Variants in OSBPL3 observed in about 807,000 individuals in gnomAD.
OSBPL3 encodes oxysterol binding protein like 3, also known as oxysterol-binding protein-related protein 3.
OSBPL3 carries 65 observed loss-of-function variants against 120.1 expected under a neutral mutation model. The ratio of observed to expected loss-of-function variants is 0.54; its 90% CI spans 0.44 to 0.67. OSBPL3 has a LOEUF of 0.67. OSBPL3 is among the 30% of genes least tolerant of loss of function. The pLI, the probability that OSBPL3 is intolerant of heterozygous loss-of-function variation, is 0.00. For synonymous variants in OSBPL3, 416 were observed against 402.6 expected (o/e 1.03, Z -0.40); for missense variants, 1,004 against 1,082.1 (o/e 0.93, Z 1.01).
At chr7:24,929,885 T>C (rs1005195177) in intron 1 of OSBPL3, among the ~76,000 whole-genome samples, 1 of 152,218 alleles carries the variant, frequency 6.6e-6, no homozygotes, top group East Asian at 1.9e-4. Flanking sequence ...GGATTTCATT[T>C]GATATCTGCT....
rs1357290081 is a variant in OSBPL3 at position 24,967,852 on chromosome 7, G to C, written c.-150+12034C>G. On this transcript the variant is annotated intron_variant, in intron 1 of 22. Transcript: ENST00000313367. This position sits in a 1 kb window ranked among gnomAD's most constrained non-coding sequence, Gnocchi z 5.6. Reference sequence around the variant, plus strand: ...TGCCCTCTCTCTTGCACTGTTGCTGGACATGTCTGTGCTGATACCACCCAT... The same window carrying C: ...TGCCCTCTCTCTTGCACTGTTGCTGCACATGTCTGTGCTGATACCACCCAT... 1.3e-5 allele frequency among the ~76,000 whole-genome samples: 2 copies of C among 152,092 alleles called. No individual in the cohort carries two copies. Among genetic ancestry groups the C allele is most frequent in the Non-Finnish European group, 2.9e-5 (2 of 68,012 alleles).
In OSBPL3 at chr7:24,815,812, G is replaced by A. The variant is rs1794399874; in HGVS notation, c.2028-609C>T. On this transcript the variant is annotated intron_variant, in intron 18 of 22. Coordinates refer to ENST00000313367, the MANE Select transcript of OSBPL3 (RefSeq NM_015550.4). This position sits in a 1 kb window ranked among gnomAD's most constrained non-coding sequence, Gnocchi z 5.1. The stretch of plus-strand genomic sequence containing the variant: ...TTATTATTCTCTTTTTCTAGATGGG[G>A]AAACTGGTGATGAGAAAGGTGAAGT... Among the ~76,000 whole-genome samples the A allele has an allele frequency of 6.6e-6, 1 of 152,124 alleles. No individual in the cohort carries two copies. Among genetic ancestry groups the A allele is most frequent in the South Asian group, 2.1e-4 (1 of 4,824 alleles).
At position 24,834,315 on chromosome 7, in the gene OSBPL3, T is replaced by G; in HGVS notation, c.1746+171A>C. 6.9e-7 allele frequency: 1 copy of G among 1,457,494 alleles called. No homozygotes were observed. The highest frequency in any genetic ancestry group is 9.1e-7 in the Non-Finnish European group (1 of 1,102,704). The allele number at this position is 1,457,494 out of a possible 1,614,324, so 90.3% of individuals were successfully genotyped here. ...CGTCTCCAAATCCTCACAAGGTGAC[T>G]GGAAACAGCCAGGCGGAGGAAGCCA... On this transcript the variant is annotated intron_variant, in intron 15 of 22. Coordinates refer to ENST00000313367, the MANE Select transcript of OSBPL3 (RefSeq NM_015550.4). This position sits in a 1 kb window ranked among gnomAD's most constrained non-coding sequence, Gnocchi z 5.2.
chr7:24,925,556 A>G (rs1352967662), intron 1 of OSBPL3, among the ~76,000 whole-genome samples: 1 of 152,250 alleles, frequency 6.6e-6, no homozygotes, highest in Non-Finnish European at 1.5e-5. Context: ...AAGGAATTCT[A>G]CAAAGATGGC....
At position 24,871,933 on chromosome 7, in the gene OSBPL3, G is replaced by A. The variant is rs781175000; in HGVS notation, c.213+20C>T. ...GGGCAGTGTGAGTGCAAATAAAGGG[G>A]AGGCCAAGACCAACCTTACCTTATG... On this transcript the variant is annotated intron_variant, in intron 3 of 22. Transcript: ENST00000313367. The surrounding 1 kb of genome is among the most constrained non-coding windows in gnomAD (Gnocchi z 4.8). 9 of 1,556,872 alleles carry A rather than the reference G, an allele frequency of 5.8e-6. No individual in the cohort carries two copies. The highest frequency in any genetic ancestry group is 2.2e-5 in the South Asian group (2 of 89,892).
chr7:24,923,278 T>C (rs1301498755), intron 1 of OSBPL3, among the ~76,000 whole-genome samples: 1 of 152,124 alleles, frequency 6.6e-6, no homozygotes, highest in Non-Finnish European at 1.5e-5. Flanking sequence ...CTCAGCAACC[T>C]GCTCCTAGAA....
At chr7:24,839,148 T>C (rs928952849) in intron 14 of OSBPL3, among the ~76,000 whole-genome samples, 3 of 152,194 alleles carry the variant, frequency 2.0e-5, no homozygotes, top group African/African-American at 7.2e-5. Context: ...AAAAGGTGCC[T>C]GGCATGGTCC....
chr7:24,829,478 TAA>T (rs1354732040), intron 16 of OSBPL3, among the ~76,000 whole-genome samples: 5 of 152,198 alleles, frequency 3.3e-5, no homozygotes, highest in Non-Finnish European at 5.9e-5. Context: ...ACTATCATCA[TAA>T]GTCTCTCAGC....
Position 24,916,867 on chromosome 7 carries a change from A to C in OSBPL3, c.-149-24246T>G, listed in dbSNP as rs1205080030. Among the ~76,000 whole-genome samples, 4 of 152,136 alleles carry C rather than the reference A, an allele frequency of 2.6e-5. No individual in the cohort carries two copies. The highest frequency in any genetic ancestry group is 5.9e-5 in the Non-Finnish European group (4 of 68,030). On this transcript the variant is annotated intron_variant, in intron 1 of 22. Transcript: ENST00000313367. The surrounding 1 kb of genome is among the most constrained non-coding windows in gnomAD (Gnocchi z 4.9). The stretch of plus-strand genomic sequence containing the variant: ...TTACACCACAATGGTGACATATACC[A>C]ACACACACAAACCAGGTTTACTGGC...
chr7:24,898,228 A>G lies in OSBPL3; in HGVS notation c.-149-5607T>C, dbSNP rs1806460150. On this transcript the variant is annotated intron_variant, in intron 1 of 22. Transcript: ENST00000313367. The surrounding 1 kb of genome is among the most constrained non-coding windows in gnomAD (Gnocchi z 4.3). ...TTCAGCATCAGAAGTTTCTGGAAGCAGGTTCTAATCACAACTTCAGATACC... is the reference window on the plus strand; with the variant it reads ...TTCAGCATCAGAAGTTTCTGGAAGCGGGTTCTAATCACAACTTCAGATACC... 6.6e-6 allele frequency among the ~76,000 whole-genome samples: 1 copy of G among 152,212 alleles called. No individual in the cohort carries two copies. Among genetic ancestry groups the G allele is most frequent in the Non-Finnish European group, 1.5e-5 (1 of 68,040 alleles).
chr7:24,912,861 T>C lies in OSBPL3; in HGVS notation c.-149-20240A>G, dbSNP rs1215593148. Among the ~76,000 whole-genome samples, 1 of 152,200 alleles carries C rather than the reference T, an allele frequency of 6.6e-6. No individual in the cohort carries two copies. Among genetic ancestry groups the C allele is most frequent in the Non-Finnish European group, 1.5e-5 (1 of 68,026 alleles). ...CTTCTAATTATGGCAGAAATGATGC[T>C]TCGTGACTTCTGAGGCTGCATTAGA... On this transcript the variant is annotated intron_variant, in intron 1 of 22. Transcript: ENST00000313367. The surrounding 1 kb of genome is among the most constrained non-coding windows in gnomAD (Gnocchi z 4.5).
In OSBPL3 at chr7:24,916,920, C is replaced by CCG. The variant is rs1554404713; in HGVS notation, c.-149-24300_-149-24299insCG. 5.5e-3 allele frequency among the ~76,000 whole-genome samples: 817 copies of CCG among 148,768 alleles called. 13 individuals are homozygous for CCG. Among genetic ancestry groups the CCG allele is most frequent in the African/African-American group, 0.019 (785 of 40,934 alleles). ...CCACTAAGACGTCTTCCATTTCCAC[C>CCG]CCCCCCAACCTTTTTAGAAAATTAA... is the stretch of plus-strand genomic sequence containing the variant. On this transcript the variant is annotated intron_variant, in intron 1 of 22. Coordinates refer to ENST00000313367, the MANE Select transcript of OSBPL3 (RefSeq NM_015550.4). This position sits in a 1 kb window ranked among gnomAD's most constrained non-coding sequence, Gnocchi z 4.9.
chr7:24,949,446 AT>A (rs143135754), intron 1 of OSBPL3, among the ~76,000 whole-genome samples: 1 of 152,318 alleles, frequency 6.6e-6, no homozygotes, highest in Non-Finnish European at 1.5e-5. Flanking sequence ...GGATCTTACA[AT>A]TGACAGTCTT....
chr7:24,926,998 C>G (rs963937453), intron 1 of OSBPL3, among the ~76,000 whole-genome samples: 11 of 152,166 alleles, frequency 7.2e-5, no homozygotes, highest in Admixed American at 6.5e-4. Flanking sequence ...GATATAATCA[C>G]GAATTTTTAT....
Position 24,872,930 on chromosome 7 carries a change from G to A in OSBPL3, c.97-861C>T, listed in dbSNP as rs1802369969. On this transcript the variant is annotated intron_variant, in intron 2 of 22. Transcript: ENST00000313367. This position sits in a 1 kb window ranked among gnomAD's most constrained non-coding sequence, Gnocchi z 4.1. ...AGTAGCAATACTTCAGTGACTGGGA[G>A]AATTTATTTTTATTATTATTTTTAC... Among the ~76,000 whole-genome samples, 1 of 152,140 alleles carries A rather than the reference G, an allele frequency of 6.6e-6. No homozygotes were observed. Among genetic ancestry groups the A allele is most frequent in the Non-Finnish European group, 1.5e-5 (1 of 68,022 alleles).
intron 14 of OSBPL3, among the ~76,000 whole-genome samples, chr7:24,838,352 T>G (rs569997358): frequency 2.3e-4 from 35 of 151,914 alleles, no homozygotes; most frequent in Non-Finnish European, 4.0e-4. Context: ...AAAAATTAGC[T>G]GGGCATGATG....
intron 1 of OSBPL3, among the ~76,000 whole-genome samples, chr7:24,929,640 G>A (rs529429387): frequency 6.6e-6 from 1 of 152,016 alleles, no homozygotes; most frequent in African/African-American, 2.4e-5. Flanking sequence ...CAAGAAAGGA[G>A]TTCCATTCAA....
rs1413365543 is a variant in OSBPL3 at position 24,806,148 on chromosome 7, G to T, written c.2444+628C>A. 6.6e-6 allele frequency among the ~76,000 whole-genome samples: 1 copy of T among 152,150 alleles called. No individual in the cohort carries two copies. Among genetic ancestry groups the T allele is most frequent in the Non-Finnish European group, 1.5e-5 (1 of 68,028 alleles). On this transcript the variant is annotated intron_variant, in intron 21 of 22. Transcript: ENST00000313367. The surrounding 1 kb of genome is among the most constrained non-coding windows in gnomAD (Gnocchi z 5.2). The stretch of plus-strand genomic sequence containing the variant: ...ATTTTTGTATTTTTAGTACAGACGG[G>T]GTTTCGCCATATTGGCCAGGCTGGT...
chr7:24,945,017 C>A (rs563590826), intron 1 of OSBPL3, among the ~76,000 whole-genome samples: 28 of 152,260 alleles, frequency 1.8e-4, no homozygotes, highest in Non-Finnish European at 3.4e-4. Flanking sequence ...ACCGCCACTG[C>A]CAGGTCCTTT....
Sources: allele counts gnomAD v4.1 joint callset (sites outside exome capture counted in the v4.1 genomes callset), GRCh38; gene constraint gnomAD v4.1.1; non-coding constraint Gnocchi (gnomAD v3.1); transcripts MANE v1.5; gene names NCBI Gene and HGNC (gene_info 2026-07-23, HGNC 2026-07-21).